Variants in APBA1 observed in about 807,000 individuals in gnomAD.
APBA1 encodes amyloid-beta A4 precursor protein-binding family A member 1.
Under a neutral mutation model 86.6 loss-of-function variants are expected in APBA1, and 55 were observed. The observed-to-expected ratio is 0.64, with a 90% confidence interval of 0.51 to 0.80. APBA1 has a LOEUF of 0.80. Among genes scored for constraint, APBA1 ranks in the 30% least tolerant of loss-of-function variants. APBA1 has a pLI of 0.00. For missense variants in APBA1, 1,090 were observed against 1,183.0 expected (o/e 0.92, Z 1.15); for synonymous variants, 511 against 493.9 (o/e 1.03, Z -0.46).
chr9:69,475,462 C>T (rs1294412781), intron 3 of APBA1, among the ~76,000 whole-genome samples: 4 of 152,212 alleles, frequency 2.6e-5, no homozygotes, highest in Non-Finnish European at 5.9e-5. Context: ...TTCTCGCAGG[C>T]GGCACTGCAC....
chr9:69,499,331 T>C (rs946981503), intron 2 of APBA1, among the ~76,000 whole-genome samples: 4 of 151,976 alleles, frequency 2.6e-5, no homozygotes, highest in Non-Finnish European at 5.9e-5. Flanking sequence ...CTTGGGGAAA[T>C]AGGGTTCCAA....
intron 5 of APBA1, chr9:69,460,705 C>T (rs1365673765): frequency 6.6e-6 from 1 of 150,576 alleles, no homozygotes; most frequent in African/African-American, 2.5e-5. Flanking sequence ...ATCCAAAAGG[C>T]AAACTGAGTT....
intron 1 of APBA1, among the ~76,000 whole-genome samples, chr9:69,539,745 C>G (rs575417661): frequency 6.6e-6 from 1 of 152,190 alleles, no homozygotes; most frequent in Non-Finnish European, 1.5e-5. Flanking sequence ...TTGCACTCTC[C>G]TTTCCCTCTG....
At chr9:69,662,854 G>C (rs1357019147) in intron 1 of APBA1, among the ~76,000 whole-genome samples, 4 of 152,188 alleles carry the variant, frequency 2.6e-5, no homozygotes, top group South Asian at 2.1e-4. Flanking sequence ...ACAGATCTAA[G>C]AACAAATCTA....
At chr9:69,646,413 CT>C (rs1225824974) in intron 1 of APBA1, among the ~76,000 whole-genome samples, 1 of 152,200 alleles carries the variant, frequency 6.6e-6, no homozygotes, top group Non-Finnish European at 1.5e-5. Context: ...CTTTTCATCT[CT>C]GTTGGAGCAT....
chr9:69,557,847 T>C (rs915231245), intron 1 of APBA1, among the ~76,000 whole-genome samples: 4 of 152,224 alleles, frequency 2.6e-5, no homozygotes, highest in Non-Finnish European at 4.4e-5. Flanking sequence ...GCTGAAGATA[T>C]AGATTCCATT....
intron 1 of APBA1, among the ~76,000 whole-genome samples, chr9:69,555,031 G>A (rs756063199): frequency 1.3e-5 from 2 of 152,114 alleles, no homozygotes; most frequent in Non-Finnish European, 2.9e-5. Flanking sequence ...CTAAGAAAAC[G>A]ACATTCCCAT....
At chr9:69,587,309 G>A (rs896577252) in intron 1 of APBA1, among the ~76,000 whole-genome samples, 27 of 152,148 alleles carry the variant, frequency 1.8e-4, no homozygotes, top group African/African-American at 6.3e-4. Flanking sequence ...GACTTCCACT[G>A]GGGCTTCCAG....
At chr9:69,546,188 C>A (rs1836694863) in intron 1 of APBA1, among the ~76,000 whole-genome samples, 1 of 152,178 alleles carries the variant, frequency 6.6e-6, no homozygotes, top group Non-Finnish European at 1.5e-5. Flanking sequence ...ATTTCATCAG[C>A]ATAAAAATCA....
At chr9:69,522,348 G>T (rs1836266975) in intron 1 of APBA1, among the ~76,000 whole-genome samples, 1 of 135,342 alleles carries the variant, frequency 7.4e-6, no homozygotes. Context: ...TCTAGACATT[G>T]GCATGATCAG....
chr9:69,456,552 T>G, intron 7 of APBA1, 120 bp from the exon 8 acceptor site: 1 of 1,049,842 alleles, frequency 9.5e-7, no homozygotes, highest in Non-Finnish European at 1.4e-6. Flanking sequence ...CAGGGCTCAC[T>G]GCAAAGCCCA....
chr9:69,586,191 TGGCCTTTA>T (rs1346111588), intron 1 of APBA1, among the ~76,000 whole-genome samples: 8 of 152,182 alleles, frequency 5.3e-5, no homozygotes, highest in African/African-American at 1.9e-4. Flanking sequence ...TTCTAGGGCT[TGGCCTTTA>T]CAGCAACTAA....
chr9:69,669,699 A>G (rs941121298), intron 1 of APBA1, among the ~76,000 whole-genome samples: 1 of 152,160 alleles, frequency 6.6e-6, no homozygotes, highest in African/African-American at 2.4e-5. Flanking sequence ...TGCTTGAGCT[A>G]GGAGTTTGAG....
chr9:69,440,837 A>C (rs1834806696), intron 11 of APBA1, among the ~76,000 whole-genome samples, 159 bp downstream of exon 11: 1 of 152,136 alleles, frequency 6.6e-6, no homozygotes, highest in Non-Finnish European at 1.5e-5. Flanking sequence ...CTGGTACCTC[A>C]GTTGGAAATG....
chr9:69,452,848 G>A (rs777263378), intron 8 of APBA1, among the ~76,000 whole-genome samples: 45 of 152,326 alleles, frequency 3.0e-4, no homozygotes, highest in African/African-American at 4.8e-4. Context: ...CAACATCAGC[G>A]CTGCTGTGAT....
At chr9:69,583,556 T>C (rs1279947870) in intron 1 of APBA1, among the ~76,000 whole-genome samples, 1 of 152,230 alleles carries the variant, frequency 6.6e-6, no homozygotes, top group Non-Finnish European at 1.5e-5. Flanking sequence ...CAAATGATTA[T>C]ACTAAAATGA....
At chr9:69,453,482 C>T (rs953474024) in intron 8 of APBA1, among the ~76,000 whole-genome samples, 2 of 152,238 alleles carry the variant, frequency 1.3e-5, no homozygotes, top group Non-Finnish European at 2.9e-5. Flanking sequence ...CCAAGAGCAA[C>T]TGAGCACTTC....
rs540896650 is a variant in APBA1, at chr9:69,646,983, G to C, written c.-70+25170C>G. On this transcript the variant is annotated intron_variant, in intron 1 of 12. Coordinates refer to ENST00000265381, the MANE Select transcript of APBA1 (RefSeq NM_001163.4). ...GATTTTCAATTGCCTATAACCCTGGGGAGAAAACGCTCAAGCCCCAGTATG... is the reference window on the plus strand; with the variant it reads ...GATTTTCAATTGCCTATAACCCTGGCGAGAAAACGCTCAAGCCCCAGTATG... Among the ~76,000 whole-genome samples the C allele has an allele frequency of 3.9e-5, 6 of 152,214 alleles. No individual in the cohort carries two copies. The South Asian group carries it at 1.0e-3, about 26-fold the overall frequency.
intron 1 of APBA1, among the ~76,000 whole-genome samples, chr9:69,669,685 G>A (rs927704511): frequency 6.6e-6 from 1 of 152,202 alleles, no homozygotes; most frequent in Non-Finnish European, 1.5e-5. Context: ...TGAGGCAGGA[G>A]GATTGCTTGA....
Sources: allele counts gnomAD v4.1 joint callset (sites outside exome capture counted in the v4.1 genomes callset), GRCh38; gene constraint gnomAD v4.1.1; transcripts MANE v1.5; gene names NCBI Gene and HGNC (gene_info 2026-07-23, HGNC 2026-07-21).